Variants in SLCO6A1 observed in about 807,000 individuals in gnomAD.
SLCO6A1 encodes solute carrier organic anion transporter family member 6A1, also known as cancer/testis antigen 48.
In SLCO6A1, 65 loss-of-function variants were observed where a neutral mutation model predicts 72.7. The observed-to-expected ratio is 0.89, with a 90% CI of 0.73 to 1.10. SLCO6A1 has a LOEUF of 1.10. Among genes scored for constraint, SLCO6A1 ranks in the 50% least tolerant of loss-of-function variants. The probability of loss-of-function intolerance (pLI) is 0.00; values close to 1 mark genes in which losing one functional copy is unlikely to be tolerated. For synonymous variants in SLCO6A1, 314 were observed against 298.2 expected (o/e 1.05, Z -0.55); for missense variants, 874 against 872.6 (o/e 1.00, Z -0.02).
intron 6 of SLCO6A1, 98 bp downstream of exon 6, chr5:102,458,284 T>C (rs1406445238): frequency 8.2e-6 from 7 of 853,508 alleles, no homozygotes; most frequent in Non-Finnish European, 1.3e-5. Context: ...TCACCCAGAT[T>C]TAGGTTGAAC....
At chr5:102,422,260 GAC>G (rs1300655883) in intron 7 of SLCO6A1, among the ~76,000 whole-genome samples, 1 of 152,052 alleles carries the variant, frequency 6.6e-6, no homozygotes, top group Admixed American at 6.6e-5. Flanking sequence ...AACACAAATG[GAC>G]AAAAAATGAG....
At chr5:102,382,254 C>T (rs1374574441) in intron 12 of SLCO6A1, among the ~76,000 whole-genome samples, 1 of 151,590 alleles carries the variant, frequency 6.6e-6, no homozygotes. Flanking sequence ...AAGACTGTCC[C>T]ATTGTGTGTT....
chr5:102,445,329 A>G (rs1471480581), intron 6 of SLCO6A1, among the ~76,000 whole-genome samples: 2 of 152,158 alleles, frequency 1.3e-5, no homozygotes, highest in Non-Finnish European at 2.9e-5. Context: ...AGTGACACTG[A>G]GCATTTTTCA....
chr5:102,408,075 G>A (rs1747768725), intron 9 of SLCO6A1, among the ~76,000 whole-genome samples: 1 of 152,086 alleles, frequency 6.6e-6, no homozygotes, highest in Non-Finnish European at 1.5e-5. Flanking sequence ...CTGAATGTCT[G>A]AAATCATGAA....
chr5:102,497,039 C>A lies in SLCO6A1; in HGVS notation c.358+1448G>T, dbSNP rs139910881. Among the ~76,000 whole-genome samples, 20 of 152,308 alleles carry A rather than the reference C, an allele frequency of 1.3e-4. No individual in the cohort carries two copies. The East Asian group carries it at 3.9e-3, about 29-fold the overall frequency. Reference sequence around the variant, plus strand: ...AGTTTTTCTAGTATGGGTCTTACAACATACAGCCTTTTGATTGCACTTATT... The same window carrying A: ...AGTTTTTCTAGTATGGGTCTTACAAAATACAGCCTTTTGATTGCACTTATT... On this transcript the variant is annotated intron_variant, in intron 1 of 13. Coordinates refer to ENST00000506729, the MANE Select transcript of SLCO6A1 (RefSeq NM_173488.5).
At chr5:102,489,462 C>T (rs1752580167) in intron 1 of SLCO6A1, among the ~76,000 whole-genome samples, 1 of 152,020 alleles carries the variant, frequency 6.6e-6, no homozygotes, top group African/African-American at 2.4e-5. Flanking sequence ...CCTGAATAGG[C>T]ATTTCTCAAA....
intron 10 of SLCO6A1, among the ~76,000 whole-genome samples, chr5:102,394,823 A>G (rs1444337406): frequency 6.6e-6 from 1 of 152,146 alleles, no homozygotes; most frequent in Non-Finnish European, 1.5e-5. Context: ...AAGTATAAAA[A>G]AGACAGTAAC....
At chr5:102,479,855 T>C (rs930290835) in intron 2 of SLCO6A1, among the ~76,000 whole-genome samples, 5 of 152,146 alleles carry the variant, frequency 3.3e-5, no homozygotes, top group Admixed American at 2.6e-4. Context: ...CCTAATCGAT[T>C]CACTCTTCCC....
At chr5:102,374,448 T>C (rs1052250469) in intron 12 of SLCO6A1, among the ~76,000 whole-genome samples, 2 of 152,138 alleles carry the variant, frequency 1.3e-5, no homozygotes, top group African/African-American at 4.8e-5. Context: ...CTACAGGTGG[T>C]GACACCACAC....
At chr5:102,430,486 T>G (rs1004634677) in intron 7 of SLCO6A1, among the ~76,000 whole-genome samples, 1 of 152,306 alleles carries the variant, frequency 6.6e-6, no homozygotes, top group Admixed American at 6.5e-5. Context: ...AGTACCTAGT[T>G]TGTTGAGAGT....
At chr5:102,375,683 T>G (rs1165714525) in intron 12 of SLCO6A1, among the ~76,000 whole-genome samples, 1 of 152,006 alleles carries the variant, frequency 6.6e-6, no homozygotes, top group South Asian at 2.1e-4. Context: ...ACAGGGTGCA[T>G]GAAGAAATGA....
At chr5:102,418,394 T>G (rs886980295) in intron 8 of SLCO6A1, among the ~76,000 whole-genome samples, 19 of 152,172 alleles carry the variant, frequency 1.2e-4, no homozygotes, top group Admixed American at 1.2e-3. Context: ...TTGAAAAATT[T>G]TGGCCATAAT....
At chr5:102,410,726 G>A (rs556647357) in intron 9 of SLCO6A1, among the ~76,000 whole-genome samples, 2 of 152,290 alleles carry the variant, frequency 1.3e-5, no homozygotes, top group African/African-American at 2.4e-5. Flanking sequence ...ATGAGCACAT[G>A]AGGGAATTTT....
intron 12 of SLCO6A1, among the ~76,000 whole-genome samples, chr5:102,385,653 T>C (rs1377932320): frequency 2.0e-5 from 3 of 152,116 alleles, no homozygotes; most frequent in African/African-American, 7.2e-5. Flanking sequence ...AATTTATTTC[T>C]TTTTTATGGC....
At chr5:102,435,458 G>A (rs1184814099) in intron 7 of SLCO6A1, among the ~76,000 whole-genome samples, 5 of 152,194 alleles carry the variant, frequency 3.3e-5, no homozygotes, top group East Asian at 1.9e-4. Flanking sequence ...CCTCTCACAC[G>A]GTCTAACAGA....
At chr5:102,416,907 T>G (rs1342618502) in intron 8 of SLCO6A1, among the ~76,000 whole-genome samples, 1 of 152,142 alleles carries the variant, frequency 6.6e-6, no homozygotes, top group Non-Finnish European at 1.5e-5. Context: ...TTTGATCTAC[T>G]TCTGACCACT....
intron 7 of SLCO6A1, among the ~76,000 whole-genome samples, chr5:102,421,192 C>G (rs1748579123): frequency 6.6e-6 from 1 of 152,090 alleles, no homozygotes; most frequent in South Asian, 2.1e-4. Flanking sequence ...ACTGGGCTGC[C>G]AGTTGGGCAG....
At chr5:102,436,921 G>T (rs561420014) in intron 7 of SLCO6A1, among the ~76,000 whole-genome samples, 2 of 152,168 alleles carry the variant, frequency 1.3e-5, no homozygotes, top group Non-Finnish European at 2.9e-5. Context: ...AAATGGAAAT[G>T]ATAGATTCAA....
At chr5:102,383,188 G>T (rs1277277057) in intron 12 of SLCO6A1, among the ~76,000 whole-genome samples, 2 of 150,124 alleles carry the variant, frequency 1.3e-5, no homozygotes, top group African/African-American at 4.9e-5. Flanking sequence ...AGGATGCCAT[G>T]TTTCCTTTTT....
Sources: allele counts gnomAD v4.1 joint callset (sites outside exome capture counted in the v4.1 genomes callset), GRCh38; gene constraint gnomAD v4.1.1; transcripts MANE v1.5; gene names NCBI Gene and HGNC (gene_info 2026-07-23, HGNC 2026-07-21).